Variants in CDRT4 observed in about 807,000 individuals in gnomAD.
CDRT4 encodes CMT1A duplicated region transcript 4.
For synonymous variants in CDRT4, 64 were observed against 69.6 expected (o/e 0.92, Z 0.40); for missense variants, 167 against 193.1 (o/e 0.87, Z 0.80).
intron 1 of CDRT4, among the ~76,000 whole-genome samples, chr17:15,465,690 AAC>A (rs1212637074): frequency 6.6e-6 from 1 of 152,098 alleles, no homozygotes; most frequent in Non-Finnish European, 1.5e-5. Context: ...AAAACACACA[AAC>A]ACACAGTCAT....
At chr17:15,461,604 C>T (rs1979752358) in intron 1 of CDRT4, among the ~76,000 whole-genome samples, 1 of 152,168 alleles carries the variant, frequency 6.6e-6, no homozygotes, top group South Asian at 2.1e-4. Flanking sequence ...CTGGAGTAAG[C>T]ACCAGGAATC....
Position 15,450,114 on chromosome 17 carries a change from A to G in CDRT4, c.-48+2890T>C, listed in dbSNP as rs1185924389. On this transcript the variant is annotated intron_variant, in intron 2 of 3. Coordinates refer to ENST00000619038, the MANE Select transcript of CDRT4 (RefSeq NM_001204477.2). The surrounding 1 kb of genome is among the most constrained non-coding windows in gnomAD (Gnocchi z 4.2). ...TGTGTCCAATGGTAGTTCTATGTTT[A>G]GTTCTTTAAGAAATTTTCATACTTT... is the stretch of plus-strand genomic sequence containing the variant. Among the ~76,000 whole-genome samples, 1 of 152,184 alleles carries G rather than the reference A, an allele frequency of 6.6e-6. No individual in the cohort carries two copies. The highest frequency in any genetic ancestry group is 1.5e-5 in the Non-Finnish European group (1 of 68,016).
chr17:15,458,304 G>A (rs963737570), intron 1 of CDRT4, among the ~76,000 whole-genome samples: 1 of 152,156 alleles, frequency 6.6e-6, no homozygotes, highest in Non-Finnish European at 1.5e-5. Context: ...GTGTCACTGT[G>A]TCACCTTTGT....
chr17:15,465,158 C>A (rs1019121785), intron 1 of CDRT4, among the ~76,000 whole-genome samples: 1 of 124,768 alleles, frequency 8.0e-6, no homozygotes, highest in African/African-American at 3.6e-5. Flanking sequence ...CACCAACACA[C>A]ACACACCAAC....
chr17:15,445,472 T>C (rs1246787759), intron 2 of CDRT4, among the ~76,000 whole-genome samples: 1 of 152,218 alleles, frequency 6.6e-6, no homozygotes, highest in Non-Finnish European at 1.5e-5. Flanking sequence ...AGACTGAATA[T>C]GCAGCATCCC....
At chr17:15,451,193 T>C (rs1175306713) in intron 2 of CDRT4, among the ~76,000 whole-genome samples, 1 of 152,214 alleles carries the variant, frequency 6.6e-6, no homozygotes, top group African/African-American at 2.4e-5. Context: ...CTGATGGTTT[T>C]ATAAAGGGCA....
chr17:15,438,069 T>G lies in CDRT4; in HGVS notation c.163A>C (p.Met55Leu). Residue 55 changes from methionine to leucine, a missense_variant, in exon 4 of 4, where the codon ATG becomes CTG. By Grantham distance (15) the Met-to-Leu change is conservative (BLOSUM62 2). Coordinates refer to ENST00000619038, the MANE Select transcript of CDRT4 (RefSeq NM_001204477.2). ...CAGGGTCTTTCCTCGAGGGCACGCATGCATTCCAGTTCTCTAGTTTTGCTT... is the reference window on the plus strand; with the variant it reads ...CAGGGTCTTTCCTCGAGGGCACGCAGGCATTCCAGTTCTCTAGTTTTGCTT... ...EKSKTRELECMRALEERPWAS... is the reference protein window; with the variant it reads ...EKSKTRELECLRALEERPWAS... 6.2e-7 allele frequency: 1 copy of G among 1,614,204 alleles called. No individual in the cohort carries two copies. Among genetic ancestry groups the G allele is most frequent in the Non-Finnish European group, 8.5e-7 (1 of 1,180,036 alleles).
chr17:15,454,045 G>C (rs1388613446), intron 1 of CDRT4, among the ~76,000 whole-genome samples: 1 of 152,138 alleles, frequency 6.6e-6, no homozygotes, highest in Non-Finnish European at 1.5e-5. Context: ...CAATGTTCAG[G>C]CTGGAGAAAT....
intron 3 of CDRT4, among the ~76,000 whole-genome samples, chr17:15,438,616 T>C (rs1978614616): frequency 6.6e-6 from 1 of 152,234 alleles, no homozygotes; most frequent in African/African-American, 2.4e-5. Flanking sequence ...TCCAAATTCC[T>C]ACTCTACCCT....
intron 3 of CDRT4, 125 bp from the exon 4 acceptor site, chr17:15,438,325 A>G: frequency 1.2e-6 from 1 of 810,636 alleles, no homozygotes; most frequent in Non-Finnish European, 1.9e-6. Flanking sequence ...CCTTGTATTC[A>G]GTAGGAATAA....
At position 15,450,648 on chromosome 17, in the gene CDRT4, G is replaced by A. The variant is rs953963447; in HGVS notation, c.-48+2356C>T. On this transcript the variant is annotated intron_variant, in intron 2 of 3. Coordinates refer to ENST00000619038, the MANE Select transcript of CDRT4 (RefSeq NM_001204477.2). This position sits in a 1 kb window ranked among gnomAD's most constrained non-coding sequence, Gnocchi z 4.2. Reference sequence around the variant, plus strand: ...TTGTGGCTCTACATCTCATCAATTTGCCACATCTAACTAGACTGACTTCTT... The same window carrying A: ...TTGTGGCTCTACATCTCATCAATTTACCACATCTAACTAGACTGACTTCTT... Among the ~76,000 whole-genome samples, 2 of 150,714 alleles carry A rather than the reference G, an allele frequency of 1.3e-5. No homozygotes were observed. The highest frequency in any genetic ancestry group is 4.9e-5 in the African/African-American group (2 of 40,800).
chr17:15,440,121 C>T (rs952372900), intron 3 of CDRT4, 87 bp downstream of exon 3: 16 of 1,292,452 alleles, frequency 1.2e-5, no homozygotes, highest in Admixed American at 1.0e-4. Context: ...AAAGAGTGGC[C>T]GCCCAGTGGC....
At chr17:15,466,466 T>G (rs1980047935) in intron 1 of CDRT4, among the ~76,000 whole-genome samples, 1 of 152,162 alleles carries the variant, frequency 6.6e-6, no homozygotes, top group Non-Finnish European at 1.5e-5. Flanking sequence ...GATCGCAAGG[T>G]TTCTTACTAA....
rs755439879 is a variant in CDRT4, at chr17:15,440,291, G to T, written c.-47-6C>A. On this transcript the variant is annotated splice_region_variant and splice_polypyrimidine_tract_variant and intron_variant, in intron 2 of 3. Coordinates refer to ENST00000619038, the MANE Select transcript of CDRT4 (RefSeq NM_001204477.2). Reference sequence around the variant, plus strand: ...AACATCACAGGTTCAGATTCCTATGGGAAAATACACTTGTTAGCCAGAGCC... The same window carrying T: ...AACATCACAGGTTCAGATTCCTATGTGAAAATACACTTGTTAGCCAGAGCC... The T allele has an allele frequency of 1.9e-6, 3 of 1,610,330 alleles. No individual in the cohort carries two copies. The highest frequency in any genetic ancestry group is 8.5e-7 in the Non-Finnish European group (1 of 1,179,790).
chr17:15,443,917 A>G (rs1407063115), intron 2 of CDRT4: 5 of 652,844 alleles, frequency 7.7e-6, no homozygotes, highest in Non-Finnish European at 1.5e-5. Flanking sequence ...GTGTATGCTC[A>G]CTTCCCCATC....
In CDRT4 at chr17:15,444,226, C is replaced by A. The variant is rs908118761; in HGVS notation, c.-47-3941G>T. ...GATGTCCAGCTACAGAAACAAGATG[C>A]CGGATGATTCCTAAGACCTACTTGT... On this transcript the variant is annotated intron_variant, in intron 2 of 3. Transcript: ENST00000619038. The A allele has an allele frequency of 3.2e-5, 24 of 750,812 alleles. No homozygotes were observed. In the African/African-American group the frequency reaches 3.6e-4, roughly 11 times the overall value. The allele number at this position is 750,812 out of a possible 1,614,324, so 46.5% of individuals were successfully genotyped here. A position where few individuals can be genotyped will look rare whatever the true frequency, so the allele number is the denominator to read the frequency against.
At chr17:15,438,615 C>G (rs77039254) in intron 3 of CDRT4, among the ~76,000 whole-genome samples, 2 of 152,170 alleles carry the variant, frequency 1.3e-5, no homozygotes, top group African/African-American at 4.8e-5. Flanking sequence ...CTCCAAATTC[C>G]TACTCTACCC....
intron 2 of CDRT4, among the ~76,000 whole-genome samples, chr17:15,445,020 A>G (rs1200331691): frequency 6.6e-6 from 1 of 152,194 alleles, no homozygotes; most frequent in African/African-American, 2.4e-5. Flanking sequence ...CTGCATCCTT[A>G]TCTCAGGAAA....
intron 2 of CDRT4, among the ~76,000 whole-genome samples, chr17:15,442,185 C>A (rs1037479891): frequency 1.3e-5 from 2 of 152,006 alleles, no homozygotes; most frequent in Non-Finnish European, 2.9e-5. Context: ...CCACGACGGG[C>A]GGATCACCTG....
Sources: gnomAD v4.1 joint callset for allele counts (sites outside exome capture counted in the v4.1 genomes callset) on GRCh38, gnomAD v4.1.1 for gene constraint, Gnocchi (gnomAD v3.1) non-coding constraint, MANE v1.5 for transcripts, NCBI Gene and HGNC (gene_info 2026-07-23, HGNC 2026-07-21) for gene names.